The following GRIK2 variants were observed in gnomAD, a reference collection of about 807,000 sequenced individuals.
The protein encoded by GRIK2 is glutamate receptor ionotropic, kainate 2.
GRIK2 carries 32 observed loss-of-function variants against 100.3 expected under a neutral mutation model. The ratio of observed to expected loss-of-function variants is 0.32; its 90% CI spans 0.24 to 0.43. The LOEUF is 0.43. Among genes scored for constraint, GRIK2 ranks in the 20% least tolerant of loss-of-function variants. GRIK2 has a pLI of 1.00. For synonymous variants in GRIK2, 417 were observed against 389.4 expected, an observed-to-expected ratio of 1.07 and a Z score of -0.83; for missense variants, 843 against 1,114.9, an observed-to-expected ratio of 0.76 and a Z score of 3.47.
chr6:101,763,057 G>T (rs745438507), intron 7 of GRIK2, among the ~76,000 whole-genome samples: 13 of 152,070 alleles, frequency 8.5e-5, no homozygotes, highest in Non-Finnish European at 1.8e-4. Flanking sequence ...ATCATGCTGG[G>T]CGTTCCTTGG....
At chr6:102,031,129 C>CACA (rs1554194473) in intron 14 of GRIK2, among the ~76,000 whole-genome samples, 831 of 52,952 alleles carry the variant, frequency 0.016, 14 homozygotes, top group Middle Eastern at 0.035. Context: ...ACACACACAC[C>CACA]CCCTTTGAGT....
intron 14 of GRIK2, among the ~76,000 whole-genome samples, chr6:101,973,261 A>G (rs940974245): frequency 7.9e-5 from 12 of 151,918 alleles, no homozygotes; most frequent in African/African-American, 2.9e-4. Flanking sequence ...AGTTGGATCT[A>G]GAATTCAGTA....
At chr6:101,543,194 A>G (rs949615339) in intron 2 of GRIK2, among the ~76,000 whole-genome samples, 12 of 152,186 alleles carry the variant, frequency 7.9e-5, no homozygotes, top group African/African-American at 2.9e-4. Context: ...TCTAATGCAG[A>G]CAAAAATCAA....
At chr6:101,962,020 C>A (rs1792335571) in intron 14 of GRIK2, among the ~76,000 whole-genome samples, 1 of 152,136 alleles carries the variant, frequency 6.6e-6, no homozygotes, top group Non-Finnish European at 1.5e-5. Context: ...TTTGTAAACA[C>A]AACCCACAGC....
chr6:101,485,885 G>A (rs957475575), intron 2 of GRIK2, among the ~76,000 whole-genome samples: 1 of 148,676 alleles, frequency 6.7e-6, no homozygotes, highest in African/African-American at 2.5e-5. Context: ...GGTATAAAAC[G>A]TAATTAGCAG....
intron 6 of GRIK2, among the ~76,000 whole-genome samples, chr6:101,684,919 T>G (rs1049027301): frequency 2.0e-5 from 3 of 151,898 alleles, no homozygotes; most frequent in African/African-American, 7.3e-5. Flanking sequence ...TCTGTGGGGG[T>G]AGGTCAGAGA....
intron 2 of GRIK2, among the ~76,000 whole-genome samples, chr6:101,402,297 C>T (rs1393499110): frequency 6.6e-6 from 1 of 152,164 alleles, no homozygotes; most frequent in African/African-American, 2.4e-5. Context: ...CGCGCTCGCG[C>T]GCACTAAGAC....
chr6:101,655,418 C>A (rs1167326074), intron 4 of GRIK2, among the ~76,000 whole-genome samples: 1 of 152,104 alleles, frequency 6.6e-6, no homozygotes, highest in Non-Finnish European at 1.5e-5. Context: ...ATCTTACCAC[C>A]TATTCTTAAG....
At chr6:101,982,667 T>C (rs572865516) in intron 14 of GRIK2, among the ~76,000 whole-genome samples, 2 of 151,396 alleles carry the variant, frequency 1.3e-5, no homozygotes, top group South Asian at 2.1e-4. Context: ...TTTTTTTTTT[T>C]CAATGTGTAC....
chr6:101,462,968 T>A (rs890013858), intron 2 of GRIK2, among the ~76,000 whole-genome samples: 1 of 152,204 alleles, frequency 6.6e-6, no homozygotes, highest in African/African-American at 2.4e-5. Flanking sequence ...GGAAGAGATA[T>A]AATGTTGAAG....
intron 4 of GRIK2, among the ~76,000 whole-genome samples, chr6:101,671,302 A>G (rs1770413730): frequency 6.6e-6 from 1 of 152,188 alleles, no homozygotes; most frequent in Non-Finnish European, 1.5e-5. Context: ...TTGGAACATT[A>G]AATTCATTAT....
intron 7 of GRIK2, among the ~76,000 whole-genome samples, chr6:101,792,822 C>T (rs1779978668): frequency 6.6e-6 from 1 of 152,206 alleles, no homozygotes; most frequent in Admixed American, 6.5e-5. Context: ...TGGTTCCATT[C>T]TCCCCGTCTC....
At chr6:101,516,840 T>G (rs1774610607) in intron 2 of GRIK2, among the ~76,000 whole-genome samples, 1 of 152,120 alleles carries the variant, frequency 6.6e-6, no homozygotes, top group Admixed American at 6.6e-5. Flanking sequence ...TGTCAACCCT[T>G]AATATATATA....
chr6:101,607,139 G>A (rs541738), intron 2 of GRIK2, among the ~76,000 whole-genome samples: 56,202 of 151,690 alleles, frequency 0.37, 11,197 homozygotes, highest in African/African-American at 0.52. Flanking sequence ...TGGCTCTTAT[G>A]TGTCTATTGG....
rs72610840 is a variant in GRIK2, at chr6:101,479,607, T to G, written c.115+80215T>G. ...TTTGTAATTTCGGCATGGTTTTTCA[T>G]GGGCTAAGTTCAACTCTTTTCTTGC... On this transcript the variant is annotated intron_variant, in intron 2 of 16. Transcript: ENST00000369134. Among the ~76,000 whole-genome samples, 3,316 of 152,248 alleles carry G rather than the reference T, an allele frequency of 0.022. 251 individuals are homozygous for G. In the East Asian group the frequency reaches 0.28, roughly 13 times the overall value.
At chr6:101,526,465 A>C (rs1439590494) in intron 2 of GRIK2, among the ~76,000 whole-genome samples, 1 of 152,204 alleles carries the variant, frequency 6.6e-6, no homozygotes, top group Non-Finnish European at 1.5e-5. Flanking sequence ...TGCTGAGATA[A>C]CTTGTTGGGT....
chr6:101,900,405 GGTGAGCCGAGATC>G (rs1014032643), intron 12 of GRIK2, among the ~76,000 whole-genome samples: 19 of 151,922 alleles, frequency 1.3e-4, no homozygotes, highest in Non-Finnish European at 2.1e-4. Flanking sequence ...CAGAGGTAGC[GGTGAGCCGAGATC>G]GTGAGCCGAG....
At chr6:102,064,363 CTTCTTTCTTTCT>C (rs140157701) in intron 16 of GRIK2, among the ~76,000 whole-genome samples, 4 of 142,220 alleles carry the variant, frequency 2.8e-5, no homozygotes, top group African/African-American at 1.0e-4. Flanking sequence ...TCCTTCCTTC[CTTCTTTCTTTCT>C]TTCTTTCTTT....
chr6:101,486,832 G>T (rs1772860937), intron 2 of GRIK2, among the ~76,000 whole-genome samples: 1 of 146,872 alleles, frequency 6.8e-6, no homozygotes, highest in South Asian at 2.2e-4. Flanking sequence ...CAGTAACGAA[G>T]TATATGAAAT....
Sources: allele counts gnomAD v4.1 joint callset (sites outside exome capture counted in the v4.1 genomes callset), GRCh38; gene constraint gnomAD v4.1.1; transcripts MANE v1.5; gene names NCBI Gene and HGNC (gene_info 2026-07-23, HGNC 2026-07-21).